The following ARHGAP28 variants were observed in gnomAD, a reference collection of about 807,000 sequenced individuals.
ARHGAP28 encodes the protein Rho GTPase activating protein 28.
ARHGAP28 carries 56 observed loss-of-function variants against 90.7 expected under a neutral mutation model. That is an observed-to-expected ratio of 0.62 (90% CI 0.50 to 0.77). The LOEUF is 0.77. ARHGAP28 is among the 30% of genes least tolerant of loss of function. The pLI, the probability that ARHGAP28 is intolerant of heterozygous loss-of-function variation, is 0.00. For synonymous variants in ARHGAP28, 308 were observed against 323.3 expected, an observed-to-expected ratio of 0.95 and a Z score of 0.51; for missense variants, 869 against 900.9, an observed-to-expected ratio of 0.96 and a Z score of 0.45.
chr18:6,841,183 CTCT>C lies in ARHGAP28; in HGVS notation c.543+3770_543+3772del, dbSNP rs1567966601. ...TCTCTCTCTCCTCTCTCTCTCTCCTCTCTCTCTCTCTCTCTCTCTCCTCTCCTC... is the reference window on the plus strand; with the variant it reads ...TCTCTCTCTCCTCTCTCTCTCTCCTCCTCTCTCTCTCTCTCTCCTCTCCTC... On this transcript the variant is annotated intron_variant, in intron 3 of 17. Coordinates refer to ENST00000383472, the MANE Select transcript of ARHGAP28 (RefSeq NM_001366230.1). 4.4e-4 allele frequency among the ~76,000 whole-genome samples: 22 copies of C among 49,682 alleles called. 1 individual carries two copies. Among genetic ancestry groups the C allele is most frequent in the East Asian group, 8.2e-4 (1 of 1,218 alleles). 32.6% of individuals were successfully genotyped at this position (49,682 alleles called of 152,430 possible).
chr18:6,820,258 TG>T (rs1183546242), intron 1 of ARHGAP28, among the ~76,000 whole-genome samples: 9 of 152,184 alleles, frequency 5.9e-5, no homozygotes, highest in African/African-American at 1.7e-4. Flanking sequence ...ATTCTTGATA[TG>T]AAAAAAATAC....
chr18:6,892,435 A>C (rs1383477657), intron 14 of ARHGAP28, among the ~76,000 whole-genome samples: 1 of 152,194 alleles, frequency 6.6e-6, no homozygotes, highest in Non-Finnish European at 1.5e-5. Flanking sequence ...GACAGGAGTG[A>C]ACCACCACAC....
At chr18:6,799,099 T>C (rs968872231) in intron 1 of ARHGAP28, among the ~76,000 whole-genome samples, 1 of 152,240 alleles carries the variant, frequency 6.6e-6, no homozygotes, top group Non-Finnish European at 1.5e-5. Context: ...CTAGAGGAAG[T>C]ATTACTGACT....
intron 16 of ARHGAP28, chr18:6,898,648 A>G: frequency 6.6e-7 from 1 of 1,510,504 alleles, no homozygotes; most frequent in Non-Finnish European, 8.8e-7. Context: ...CATATACTAC[A>G]AAACTGACTT....
intron 1 of ARHGAP28, among the ~76,000 whole-genome samples, chr18:6,761,031 G>T (rs1301112531): frequency 6.6e-6 from 1 of 152,048 alleles, no homozygotes; most frequent in Non-Finnish European, 1.5e-5. Context: ...GTTAAATTCA[G>T]TCTTTAAAAT....
At chr18:6,868,371 C>T (rs902790596) in intron 6 of ARHGAP28, 137 bp downstream of exon 6, 12 of 705,888 alleles carry the variant, frequency 1.7e-5, no homozygotes, top group South Asian at 4.1e-5. Context: ...TCACTTCCAT[C>T]GCTCACTCCT....
Position 6,745,636 on chromosome 18 carries a change from A to G in ARHGAP28, c.122+15693A>G, listed in dbSNP as rs139433419. Among the ~76,000 whole-genome samples the G allele has an allele frequency of 1.5e-3, 231 of 152,230 alleles. 1 individual carries two copies. Among genetic ancestry groups the G allele is most frequent in the African/African-American group, 5.1e-3 (211 of 41,534 alleles). Reference sequence around the variant, plus strand: ...TTTCTTCATGCACTTTGTTCCTTCAATTACTCCTTCCAGGCAACCCGTTTC... The same window carrying G: ...TTTCTTCATGCACTTTGTTCCTTCAGTTACTCCTTCCAGGCAACCCGTTTC... On this transcript the variant is annotated intron_variant, in intron 1 of 17. Transcript: ENST00000383472.
intron 1 of ARHGAP28, among the ~76,000 whole-genome samples, chr18:6,750,169 C>A (rs2056057747): frequency 6.6e-6 from 1 of 152,114 alleles, no homozygotes; most frequent in Non-Finnish European, 1.5e-5. Flanking sequence ...ATTCCAAATG[C>A]TTTACATGTA....
intron 2 of ARHGAP28, among the ~76,000 whole-genome samples, chr18:6,834,273 G>A (rs560108319): frequency 3.9e-5 from 6 of 152,128 alleles, no homozygotes; most frequent in African/African-American, 1.4e-4. Flanking sequence ...CTTGAAGGAA[G>A]AAGAAACAGC....
At chr18:6,833,730 A>G (rs1484047741) in intron 2 of ARHGAP28, among the ~76,000 whole-genome samples, 1 of 152,174 alleles carries the variant, frequency 6.6e-6, no homozygotes, top group Non-Finnish European at 1.5e-5. Flanking sequence ...TGATATATAC[A>G]TGCAAGGTTT....
intron 3 of ARHGAP28, among the ~76,000 whole-genome samples, chr18:6,839,336 C>T (rs1394208000): frequency 4.0e-5 from 6 of 150,722 alleles, no homozygotes; most frequent in Non-Finnish European, 7.4e-5. Context: ...CTCTGTCGCC[C>T]AGGCTGGAGT....
intron 2 of ARHGAP28, among the ~76,000 whole-genome samples, chr18:6,835,139 T>A (rs552230859): frequency 1.3e-5 from 2 of 152,312 alleles, no homozygotes; most frequent in Non-Finnish European, 2.9e-5. Flanking sequence ...GGCTGCAGTT[T>A]AAGGACTTAG....
In ARHGAP28 at chr18:6,913,074, C is replaced by T. The variant is rs1365290981; in HGVS notation, c.*920C>T. 4 of 152,216 alleles carry T rather than the reference C, an allele frequency of 2.6e-5. No individual in the cohort carries two copies. Among genetic ancestry groups the T allele is most frequent in the Non-Finnish European group, 4.4e-5 (3 of 68,038 alleles). The allele number at this position is 152,216 out of a possible 1,614,324, so 9.4% of individuals were successfully genotyped here. A position where few individuals can be genotyped will look rare whatever the true frequency, so the allele number is the denominator to read the frequency against. Reference sequence around the variant, plus strand: ...GTCCCAATTTAAAAATGCAGAACTGCTTTATCCAAGAATGCTGAAAAATAC... The same window carrying T: ...GTCCCAATTTAAAAATGCAGAACTGTTTTATCCAAGAATGCTGAAAAATAC... On this transcript the variant is annotated 3_prime_UTR_variant, in exon 18 of 18. Coordinates refer to ENST00000383472, the MANE Select transcript of ARHGAP28 (RefSeq NM_001366230.1).
chr18:6,855,545 A>G (rs1213798938), intron 4 of ARHGAP28, among the ~76,000 whole-genome samples: 1 of 152,112 alleles, frequency 6.6e-6, no homozygotes, highest in East Asian at 1.9e-4. Flanking sequence ...TTGTCCGTGT[A>G]CCTCATTTTT....
At chr18:6,802,234 A>G (rs2056487221) in intron 1 of ARHGAP28, among the ~76,000 whole-genome samples, 1 of 152,024 alleles carries the variant, frequency 6.6e-6, no homozygotes, top group Admixed American at 6.6e-5. Context: ...ATTACAATAA[A>G]CATGAGAGTG....
chr18:6,905,930 T>C (rs1180675500), intron 16 of ARHGAP28, among the ~76,000 whole-genome samples: 4 of 152,084 alleles, frequency 2.6e-5, no homozygotes, highest in Admixed American at 6.6e-5. Flanking sequence ...TTTTCATGGA[T>C]TGGAAGATAA....
intron 16 of ARHGAP28, among the ~76,000 whole-genome samples, chr18:6,904,750 C>G (rs1358895054): frequency 5.3e-5 from 8 of 151,998 alleles, no homozygotes; most frequent in Non-Finnish European, 1.2e-4. Flanking sequence ...TGGGATATCA[C>G]TAATATAGTA....
At chr18:6,842,373 AG>A (rs1442710630) in intron 3 of ARHGAP28, among the ~76,000 whole-genome samples, 1 of 152,134 alleles carries the variant, frequency 6.6e-6, no homozygotes, top group Non-Finnish European at 1.5e-5. Context: ...TGTCTCAAAA[AG>A]AAAAAAAATT....
intron 1 of ARHGAP28, among the ~76,000 whole-genome samples, chr18:6,801,703 T>A (rs890936321): frequency 6.6e-6 from 1 of 152,158 alleles, no homozygotes; most frequent in Non-Finnish European, 1.5e-5. Flanking sequence ...TTTGTAAAGA[T>A]CAAGTCAGTC....
Sources: gnomAD v4.1 joint callset for allele counts (sites outside exome capture counted in the v4.1 genomes callset) on GRCh38, gnomAD v4.1.1 for gene constraint, MANE v1.5 for transcripts, NCBI Gene and HGNC (gene_info 2026-07-23, HGNC 2026-07-21) for gene names.